The following KCNN2 variants were observed in gnomAD, a reference collection of about 807,000 sequenced individuals.
KCNN2 encodes potassium calcium-activated channel subfamily N member 2.
In KCNN2, 24 loss-of-function variants were observed where a neutral mutation model predicts 55.5. The ratio of observed to expected loss-of-function variants is 0.43; its 90% CI spans 0.31 to 0.61. KCNN2 has a LOEUF of 0.61. KCNN2 is among the 20% of genes least tolerant of loss of function. KCNN2 has a pLI of 0.08. For synonymous variants in KCNN2, 431 were observed against 336.1 expected (o/e 1.28, Z -3.09); for missense variants, 754 against 853.6 (o/e 0.88, Z 1.45).
intron 3 of KCNN2, among the ~76,000 whole-genome samples, chr5:114,454,446 G>T (rs766719700): frequency 6.6e-6 from 1 of 152,180 alleles, no homozygotes; most frequent in Non-Finnish European, 1.5e-5. Context: ...ACTGTGGGGT[G>T]ATAGTTGAGT....
chr5:114,330,541 T>A (rs1324733987), intron 2 of KCNN2, among the ~76,000 whole-genome samples: 1 of 152,220 alleles, frequency 6.6e-6, no homozygotes, highest in East Asian at 1.9e-4. Flanking sequence ...GGGGCTTATT[T>A]CCTGCCACCT....
chr5:114,096,635 G>T (rs975375090), intron 1 of KCNN2, among the ~76,000 whole-genome samples: 5 of 152,024 alleles, frequency 3.3e-5, no homozygotes, highest in African/African-American at 1.2e-4. Context: ...CCCCAGGAAG[G>T]TCCCTCTCTC....
At chr5:114,062,808 G>A (rs1220663668) in intron 1 of KCNN2, among the ~76,000 whole-genome samples, 1 of 152,064 alleles carries the variant, frequency 6.6e-6, no homozygotes, top group Non-Finnish European at 1.5e-5. Flanking sequence ...AAACAGGTAA[G>A]TCCTTAAAAA....
intron 2 of KCNN2, among the ~76,000 whole-genome samples, chr5:114,309,369 G>A (rs1372055840): frequency 1.3e-5 from 2 of 152,140 alleles, no homozygotes; most frequent in East Asian, 3.8e-4. Flanking sequence ...TCACACAACA[G>A]CAGGTTTTTT....
At chr5:114,194,478 A>T (rs962859050) in intron 1 of KCNN2, among the ~76,000 whole-genome samples, 1 of 152,026 alleles carries the variant, frequency 6.6e-6, no homozygotes, top group Non-Finnish European at 1.5e-5. Context: ...TGTGTGCTTA[A>T]TGCATATTTG....
chr5:114,384,854 G>A (rs1202876962), intron 2 of KCNN2, among the ~76,000 whole-genome samples: 3 of 152,128 alleles, frequency 2.0e-5, no homozygotes, highest in Admixed American at 6.5e-5. Context: ...GGGAGCCTAC[G>A]TGACACACAT....
At chr5:114,153,128 G>C (rs1752559333) in intron 1 of KCNN2, among the ~76,000 whole-genome samples, 1 of 152,178 alleles carries the variant, frequency 6.6e-6, no homozygotes, top group Admixed American at 6.6e-5. Flanking sequence ...AAACGTTGGG[G>C]CTTTGAGACA....
intron 1 of KCNN2, among the ~76,000 whole-genome samples, chr5:114,087,645 CACTTT>C (rs1029278199): frequency 3.9e-5 from 6 of 151,934 alleles, no homozygotes. Flanking sequence ...TTATATCTAC[CACTTT>C]ACTTTCTAAA....
intron 1 of KCNN2, among the ~76,000 whole-genome samples, chr5:114,178,928 G>T (rs1580593324): frequency 6.6e-6 from 1 of 152,286 alleles, no homozygotes; most frequent in Non-Finnish European, 1.5e-5. Flanking sequence ...TAATCTGTTT[G>T]TAGTTTAAGA....
chr5:114,340,828 C>T (rs1185662787), intron 2 of KCNN2, among the ~76,000 whole-genome samples: 1 of 152,108 alleles, frequency 6.6e-6, no homozygotes, highest in Non-Finnish European at 1.5e-5. Flanking sequence ...ACCCTTTGAC[C>T]AATATCTCCC....
chr5:114,382,394 C>G (rs1278788639), intron 2 of KCNN2, among the ~76,000 whole-genome samples: 1 of 152,144 alleles, frequency 6.6e-6, no homozygotes, highest in Non-Finnish European at 1.5e-5. Context: ...AGTGGATATT[C>G]CCCAGCCTGA....
At chr5:114,132,100 A>T (rs1257641841) in intron 1 of KCNN2, among the ~76,000 whole-genome samples, 1 of 152,146 alleles carries the variant, frequency 6.6e-6, no homozygotes, top group Non-Finnish European at 1.5e-5. Context: ...CTCTGATAAT[A>T]GTTTCTTTTG....
At chr5:114,434,196 G>A (rs1242680389) in intron 3 of KCNN2, among the ~76,000 whole-genome samples, 3 of 150,838 alleles carry the variant, frequency 2.0e-5, no homozygotes, top group Non-Finnish European at 4.4e-5. Context: ...TTTCTGTTTG[G>A]GAGGTTTCTA....
chr5:114,256,782 G>A (rs1220666268), intron 2 of KCNN2, among the ~76,000 whole-genome samples: 1 of 151,922 alleles, frequency 6.6e-6, no homozygotes, highest in African/African-American at 2.4e-5. Flanking sequence ...TTAGTCCTTT[G>A]TCAGATGCAT....
At chr5:114,242,853 CA>C (rs1428555681) in intron 2 of KCNN2, among the ~76,000 whole-genome samples, 1 of 151,964 alleles carries the variant, frequency 6.6e-6, no homozygotes, top group Non-Finnish European at 1.5e-5. Flanking sequence ...TAATAAAACA[CA>C]AAAAATAAAA....
At chr5:114,436,715 G>GA (rs1170242730) in intron 3 of KCNN2, among the ~76,000 whole-genome samples, 9 of 152,218 alleles carry the variant, frequency 5.9e-5, no homozygotes, top group East Asian at 3.9e-4. Flanking sequence ...GTATGAAAGG[G>GA]AAAAAATCGA....
chr5:114,354,982 A>C (rs1757272063), intron 2 of KCNN2, among the ~76,000 whole-genome samples: 1 of 152,214 alleles, frequency 6.6e-6, no homozygotes, highest in South Asian at 2.1e-4. Context: ...TAGAAGATAA[A>C]TATGAATATG....
At chr5:114,489,926 G>A (rs1456639065) in intron 6 of KCNN2, among the ~76,000 whole-genome samples, 1 of 152,124 alleles carries the variant, frequency 6.6e-6, no homozygotes, top group Non-Finnish European at 1.5e-5. Context: ...TTTATCCTGA[G>A]CACTTTTTCA....
chr5:114,275,845 C>G (rs763259825), intron 2 of KCNN2, among the ~76,000 whole-genome samples: 29 of 152,002 alleles, frequency 1.9e-4, no homozygotes, highest in Admixed American at 4.6e-4. Context: ...CTGCTCTGAT[C>G]TCATTCTTTT....
Sources: gnomAD v4.1 joint callset for allele counts (sites outside exome capture counted in the v4.1 genomes callset) on GRCh38, gnomAD v4.1.1 for gene constraint, MANE v1.5 for transcripts, NCBI Gene and HGNC (gene_info 2026-07-23, HGNC 2026-07-21) for gene names.